The following DOCK3 variants were observed in gnomAD, a reference collection of about 807,000 sequenced individuals.
DOCK3 encodes the protein dedicator of cytokinesis protein 3.
Under a neutral mutation model 265.6 loss-of-function variants are expected in DOCK3, and 60 were observed. That is an observed-to-expected ratio of 0.23 (90% CI 0.18 to 0.28). DOCK3 has a LOEUF of 0.28. Among genes scored for constraint, DOCK3 ranks in the 10% least tolerant of loss-of-function variants. The pLI is 1.00. For synonymous variants in DOCK3, 881 were observed against 938.0 expected (o/e 0.94, Z 1.11); for missense variants, 1,981 against 2,594.3 (o/e 0.76, Z 5.14).
chr3:51,154,161 C>T (rs1245781841), intron 10 of DOCK3, among the ~76,000 whole-genome samples: 4 of 152,224 alleles, frequency 2.6e-5, no homozygotes, highest in Non-Finnish European at 5.9e-5. Context: ...GCAACTTTAT[C>T]TTTCAGAACA....
chr3:50,735,813 G>T (rs953899335), intron 1 of DOCK3, among the ~76,000 whole-genome samples: 1 of 152,104 alleles, frequency 6.6e-6, no homozygotes, highest in African/African-American at 2.4e-5. Flanking sequence ...ATGGTTCTGC[G>T]GCTATACAGG....
intron 12 of DOCK3, among the ~76,000 whole-genome samples, chr3:51,206,316 T>C (rs889740671): frequency 1.3e-5 from 2 of 152,220 alleles, no homozygotes; most frequent in South Asian, 4.1e-4. Context: ...ACTTATTATG[T>C]GCTACAAGTT....
rs1553619025 is a variant in DOCK3 at position 51,381,941 on chromosome 3, A to C, written c.*382A>C. 2 of 182,716 alleles carry C rather than the reference A, an allele frequency of 1.1e-5. No homozygotes were observed. The highest frequency in any genetic ancestry group is 4.7e-5 in the African/African-American group (2 of 42,500). The allele number at this position is 182,716 out of a possible 1,614,324, so 11.3% of individuals were successfully genotyped here. A position where few individuals can be genotyped will look rare whatever the true frequency, so the allele number is the denominator to read the frequency against. ...GAGTGGGAGCCCAGGCCCTCCCTCC[A>C]GGGTAGAGATGCACCGAATGGAAAT... On this transcript the variant is annotated 3_prime_UTR_variant, in exon 53 of 53. Coordinates refer to ENST00000266037, the MANE Select transcript of DOCK3 (RefSeq NM_004947.5). This position sits in a 1 kb window ranked among gnomAD's most constrained non-coding sequence, Gnocchi z 5.6.
rs1017613707 is a variant in DOCK3 at position 51,140,327 on chromosome 3, C to T, written c.747-6222C>T. On this transcript the variant is annotated intron_variant, in intron 9 of 52. Transcript: ENST00000266037. ...TCTCTGTAGATTTGCCTATTGTAGA[C>T]GTATCATAAAAATGGAATCATACAG... 8.5e-5 allele frequency among the ~76,000 whole-genome samples: 13 copies of T among 152,128 alleles called. 1 individual carries two copies. Among genetic ancestry groups the T allele is most frequent in the South Asian group, 6.2e-4 (3 of 4,834 alleles).
intron 2 of DOCK3, among the ~76,000 whole-genome samples, chr3:50,829,801 G>A (rs1426483120): frequency 1.3e-5 from 2 of 152,074 alleles, no homozygotes; most frequent in African/African-American, 4.8e-5. Flanking sequence ...TTGATCAGTG[G>A]CAGTATTATT....
At chr3:51,089,826 C>A (rs192804453) in intron 8 of DOCK3, among the ~76,000 whole-genome samples, 1 of 140,608 alleles carries the variant, frequency 7.1e-6, no homozygotes, top group South Asian at 2.3e-4. Context: ...TGCTTGAACC[C>A]GGGAGTAGAG....
intron 27 of DOCK3, among the ~76,000 whole-genome samples, chr3:51,303,926 C>G (rs2082498079): frequency 6.6e-6 from 1 of 152,256 alleles, no homozygotes; most frequent in Non-Finnish European, 1.5e-5. Context: ...ATGAAGCACT[C>G]TGGCTGCCCC....
chr3:51,264,361 A>G (rs945187552), intron 23 of DOCK3, among the ~76,000 whole-genome samples: 1 of 152,192 alleles, frequency 6.6e-6, no homozygotes, highest in African/African-American at 2.4e-5. Context: ...AATGAGAACA[A>G]AGACACAACA....
At chr3:50,749,968 C>G (rs779758185) in intron 1 of DOCK3, among the ~76,000 whole-genome samples, 3 of 152,264 alleles carry the variant, frequency 2.0e-5, no homozygotes, top group East Asian at 3.9e-4. Flanking sequence ...ACCCCTGGGC[C>G]GCGGACTGGT....
chr3:51,103,113 G>C (rs1444461982), intron 9 of DOCK3, among the ~76,000 whole-genome samples: 1 of 152,080 alleles, frequency 6.6e-6, no homozygotes, highest in Non-Finnish European at 1.5e-5. Flanking sequence ...TTGCTATTAA[G>C]TTTTGAACCT....
At chr3:51,144,955 A>G (rs2085230467) in intron 9 of DOCK3, among the ~76,000 whole-genome samples, 1 of 152,218 alleles carries the variant, frequency 6.6e-6, no homozygotes, top group African/African-American at 2.4e-5. Flanking sequence ...TCTTCGGATA[A>G]AGAGGTGGGA....
At chr3:51,346,386 G>A (rs987695911) in intron 38 of DOCK3, among the ~76,000 whole-genome samples, 4 of 151,566 alleles carry the variant, frequency 2.6e-5, no homozygotes, top group Admixed American at 6.6e-5. Context: ...GAGAACATGC[G>A]GTGTTTGGTT....
At chr3:51,319,800 G>T (rs2083579454) in intron 32 of DOCK3, among the ~76,000 whole-genome samples, 1 of 151,408 alleles carries the variant, frequency 6.6e-6, no homozygotes, top group Admixed American at 6.6e-5. Flanking sequence ...GGGAGGTGGG[G>T]TTTGTAGTGA....
chr3:51,340,826 A>T (rs1469353705), intron 37 of DOCK3, among the ~76,000 whole-genome samples: 1 of 152,138 alleles, frequency 6.6e-6, no homozygotes, highest in Non-Finnish European at 1.5e-5. Flanking sequence ...TTCCTTTGGT[A>T]ATGGAGCCCT....
At chr3:51,115,761 G>A (rs2083707943) in intron 9 of DOCK3, among the ~76,000 whole-genome samples, 1 of 152,094 alleles carries the variant, frequency 6.6e-6, no homozygotes, top group African/African-American at 2.4e-5. Flanking sequence ...TTCTTCTAGG[G>A]TTTTTATGGT....
intron 2 of DOCK3, among the ~76,000 whole-genome samples, chr3:50,830,949 C>G (rs1217301563): frequency 1.3e-5 from 2 of 151,886 alleles, no homozygotes; most frequent in African/African-American, 4.8e-5. Context: ...CAAGAGTTTT[C>G]TAGGAAAGGG....
intron 3 of DOCK3, among the ~76,000 whole-genome samples, chr3:50,883,655 C>T (rs2048173229): frequency 6.6e-6 from 1 of 152,048 alleles, no homozygotes; most frequent in Admixed American, 6.6e-5. Flanking sequence ...CAGCATTTGA[C>T]AAATGTGCCA....
chr3:50,917,384 G>T (rs2050185961), intron 4 of DOCK3, among the ~76,000 whole-genome samples: 1 of 151,714 alleles, frequency 6.6e-6, no homozygotes, highest in South Asian at 2.1e-4. Flanking sequence ...TGCTTTAATG[G>T]TTTTTTTTAT....
chr3:50,860,373 C>T (rs2046850490), intron 3 of DOCK3, among the ~76,000 whole-genome samples: 1 of 152,172 alleles, frequency 6.6e-6, no homozygotes, highest in Non-Finnish European at 1.5e-5. Context: ...CTTGATAGTT[C>T]TGGCTCTATA....
Sources: gnomAD v4.1 joint callset for allele counts (sites outside exome capture counted in the v4.1 genomes callset) on GRCh38, gnomAD v4.1.1 for gene constraint, Gnocchi (gnomAD v3.1) non-coding constraint, MANE v1.5 for transcripts, NCBI Gene and HGNC (gene_info 2026-07-23, HGNC 2026-07-21) for gene names.